Variants in DSCAM observed in about 807,000 individuals in gnomAD.
DSCAM encodes the protein DS cell adhesion molecule, also known as cell adhesion molecule DSCAM.
DSCAM carries 47 observed loss-of-function variants against 217.7 expected under a neutral mutation model. The ratio of observed to expected loss-of-function variants is 0.22; its 90% CI spans 0.17 to 0.28. The LOEUF (loss-of-function observed/expected upper bound fraction) is 0.28. Ranked by LOEUF, DSCAM falls within the 10% of genes least tolerant of loss-of-function variation. The probability of loss-of-function intolerance (pLI) is 1.00; values close to 1 mark genes in which losing one functional copy is unlikely to be tolerated. For missense variants in DSCAM, 2,080 were observed against 2,618.3 expected (o/e 0.79, Z 4.49); for synonymous variants, 1,056 against 1,015.3 (o/e 1.04, Z -0.76).
rs757717326 is a variant in DSCAM at position 40,083,886 on chromosome 21, T to G, written c.4231+22A>C. ...GGATCACACAACTAATCAACTATTG[T>G]GGACAATCTATATCTTATTACCTCT... is the stretch of plus-strand genomic sequence containing the variant. On this transcript the variant is annotated intron_variant, in intron 24 of 32. Coordinates refer to ENST00000400454, the MANE Select transcript of DSCAM (RefSeq NM_001389.5). 2.5e-6 allele frequency: 4 copies of G among 1,583,898 alleles called. No individual in the cohort carries two copies. The East Asian group carries it at 9.0e-5, about 36-fold the overall frequency.
intron 32 of DSCAM, among the ~76,000 whole-genome samples, chr21:40,015,009 C>G (rs2837377): frequency 0.011 from 1,628 of 152,328 alleles, 36 homozygotes; most frequent in African/African-American, 0.037. Flanking sequence ...CACCCTTTCT[C>G]ACTTTCCTTG....
chr21:40,435,272 T>G (rs771893163), intron 3 of DSCAM, among the ~76,000 whole-genome samples: 9 of 152,256 alleles, frequency 5.9e-5, no homozygotes, highest in Non-Finnish European at 1.2e-4. Context: ...GCAGCCTTGT[T>G]GCTAGATGAT....
chr21:40,079,070 G>A (rs958968047), intron 25 of DSCAM, 93 bp from the exon 26 acceptor site: 57 of 1,429,952 alleles, frequency 4.0e-5, no homozygotes, highest in East Asian at 1.2e-4. Context: ...TTCCTCCAGC[G>A]AGGCCAGGAG....
chr21:40,466,216 T>C (rs2075844170), intron 3 of DSCAM, among the ~76,000 whole-genome samples: 1 of 152,220 alleles, frequency 6.6e-6, no homozygotes, highest in South Asian at 2.1e-4. Context: ...TGCAGCTGGA[T>C]ACATCTACCC....
intron 20 of DSCAM, among the ~76,000 whole-genome samples, chr21:40,105,475 A>C (rs1348925083): frequency 6.6e-6 from 1 of 152,128 alleles, no homozygotes; most frequent in Non-Finnish European, 1.5e-5. Flanking sequence ...GTGAGTTCTC[A>C]TGAGACCTGG....
chr21:40,602,304 G>A (rs538821160), intron 3 of DSCAM, among the ~76,000 whole-genome samples: 269 of 152,138 alleles, frequency 1.8e-3, no homozygotes, highest in Non-Finnish European at 2.6e-3. Flanking sequence ...CAAGCAATCC[G>A]CCCGCTGCGG....
intron 3 of DSCAM, among the ~76,000 whole-genome samples, chr21:40,511,851 C>CGTG (rs1224357551): frequency 1.3e-5 from 2 of 151,604 alleles, no homozygotes; most frequent in Non-Finnish European, 2.9e-5. Context: ...ATTAGCCGGG[C>CGTG]GTGGTGGCAG....
chr21:40,668,927 C>T (rs559937595), intron 3 of DSCAM, among the ~76,000 whole-genome samples: 4 of 152,152 alleles, frequency 2.6e-5, no homozygotes, highest in African/African-American at 9.6e-5. Flanking sequence ...TAAAATGAGG[C>T]TCTGTAATGA....
intron 27 of DSCAM, among the ~76,000 whole-genome samples, chr21:40,066,151 C>T (rs367600239): frequency 6.6e-6 from 1 of 152,220 alleles, no homozygotes; most frequent in Non-Finnish European, 1.5e-5. Context: ...TCTCAGACAG[C>T]CCTTCCCAGC....
intron 3 of DSCAM, among the ~76,000 whole-genome samples, chr21:40,371,920 T>C (rs1413179513): frequency 6.6e-6 from 1 of 152,190 alleles, no homozygotes; most frequent in East Asian, 1.9e-4. Context: ...CAGGCATAAA[T>C]GGGTTAATTT....
chr21:40,017,973 G>C (rs1385529752), intron 32 of DSCAM, among the ~76,000 whole-genome samples: 6 of 152,226 alleles, frequency 3.9e-5, no homozygotes, highest in African/African-American at 7.2e-5. Flanking sequence ...ACCCATTATA[G>C]ACACTAATGT....
intron 3 of DSCAM, among the ~76,000 whole-genome samples, chr21:40,420,042 T>G (rs1212232380): frequency 6.6e-6 from 1 of 152,090 alleles, no homozygotes; most frequent in East Asian, 1.9e-4. Flanking sequence ...AAGGGACTGA[T>G]AATATAATAA....
At chr21:40,528,898 C>CTATTTTTTTTT (rs2076420873) in intron 3 of DSCAM, among the ~76,000 whole-genome samples, 1 of 99,396 alleles carries the variant, frequency 1.0e-5, no homozygotes, top group Non-Finnish European at 1.8e-5. Flanking sequence ...AGGCTTTCCA[C>CTATTTTTTTTT]TTTTTTTTTT....
intron 1 of DSCAM, among the ~76,000 whole-genome samples, chr21:40,813,132 G>A (rs912503637): frequency 3.9e-5 from 6 of 152,168 alleles, no homozygotes; most frequent in Non-Finnish European, 8.8e-5. Context: ...GCATAAAAGT[G>A]CAGCCTAATA....
At position 40,822,849 on chromosome 21, in the gene DSCAM, T is replaced by C. The variant is rs542116767; in HGVS notation, c.43+23770A>G. On this transcript the variant is annotated intron_variant, in intron 1 of 32. Transcript: ENST00000400454. ...AGCAAAGAATTTACACATAAACTTC[T>C]TATAAGAAATAACACTTCGGCCTGG... is the stretch of plus-strand genomic sequence containing the variant. Among the ~76,000 whole-genome samples, 19 of 152,302 alleles carry C rather than the reference T, an allele frequency of 1.2e-4. 1 individual carries two copies. The South Asian group carries it at 3.7e-3, about 30-fold the overall frequency.
intron 3 of DSCAM, among the ~76,000 whole-genome samples, chr21:40,508,769 ATATATATATATATATTTTTTTT>A (rs1568863095): frequency 2.1e-3 from 8 of 3,824 alleles, no homozygotes; most frequent in African/African-American, 0.015. Flanking sequence ...ATATATATAT[ATATATATATATATATTTTTTTT>A]TTTTTTTTTT....
At chr21:40,459,472 A>G (rs1292919353) in intron 3 of DSCAM, among the ~76,000 whole-genome samples, 1 of 152,232 alleles carries the variant, frequency 6.6e-6, no homozygotes, top group East Asian at 1.9e-4. Flanking sequence ...AGTAAAAAGT[A>G]AAAAGTAAAT....
chr21:40,379,480 G>A (rs975247138), intron 3 of DSCAM, among the ~76,000 whole-genome samples: 8 of 152,208 alleles, frequency 5.3e-5, no homozygotes, highest in Admixed American at 2.0e-4. Context: ...AAAAGCAGAA[G>A]GGGAGACTTT....
At chr21:40,692,026 T>C (rs2090543760) in intron 3 of DSCAM, among the ~76,000 whole-genome samples, 1 of 152,250 alleles carries the variant, frequency 6.6e-6, no homozygotes, top group African/African-American at 2.4e-5. Flanking sequence ...CATACAGACA[T>C]GTCTAAAAAA....
Sources: allele counts gnomAD v4.1 joint callset (sites outside exome capture counted in the v4.1 genomes callset), GRCh38; gene constraint gnomAD v4.1.1; transcripts MANE v1.5; gene names NCBI Gene and HGNC (gene_info 2026-07-23, HGNC 2026-07-21).